The following GNB1L variants were observed in gnomAD, a reference collection of about 807,000 sequenced individuals.
The protein encoded by GNB1L is guanine nucleotide-binding protein subunit beta-like protein 1.
A neutral mutation model predicts 29.1 loss-of-function variants in GNB1L; 20 were observed. The observed-to-expected ratio is 0.69, with a 90% CI of 0.48 to 1.00. The LOEUF (loss-of-function observed/expected upper bound fraction) is 1.00, where lower values mean the gene tolerates loss of function less well. Ranked by LOEUF, GNB1L falls within the 50% of genes least tolerant of loss-of-function variation. The pLI, the probability that GNB1L is intolerant of heterozygous loss-of-function variation, is 0.00. For synonymous variants in GNB1L, 193 were observed against 206.5 expected (o/e 0.93, Z 0.56); for missense variants, 421 against 464.9 (o/e 0.91, Z 0.87).
chr22:19,797,067 C>A (rs879580289), intron 7 of GNB1L, among the ~76,000 whole-genome samples: 1 of 152,196 alleles, frequency 6.6e-6, no homozygotes, highest in East Asian at 1.9e-4. Context: ...ATCAGGAAAC[C>A]TAAATTAGTC....
chr22:19,852,018 G>C, intron 2 of GNB1L: 1 of 1,614,164 alleles, frequency 6.2e-7, no homozygotes, highest in African/African-American at 1.3e-5. Context: ...TGCCCAGCTA[G>C]GGGACCCCTT....
intron 2 of GNB1L, chr22:19,850,163 C>A: frequency 9.1e-6 from 9 of 985,634 alleles, no homozygotes; most frequent in Non-Finnish European, 1.1e-5. Flanking sequence ...CTGGAATGCT[C>A]ATGGCCAGGC....
intron 7 of GNB1L, among the ~76,000 whole-genome samples, chr22:19,800,687 C>T (rs1164649555): frequency 6.6e-6 from 1 of 152,202 alleles, no homozygotes; most frequent in East Asian, 1.9e-4. Flanking sequence ...GGCCTTGTGC[C>T]CCCATCCCCA....
At position 19,788,241 on chromosome 22, in the gene GNB1L, G is replaced by A. The variant is rs141381387; in HGVS notation, c.*468C>T. On this transcript the variant is annotated 3_prime_UTR_variant, in exon 8 of 8. Coordinates refer to ENST00000329517, the MANE Select transcript of GNB1L (RefSeq NM_053004.3). ...TCATGTGGACATCGACGCAGCTATG[G>A]TTGGGGCCTATCATCTCCTGAGGCC... The A allele has an allele frequency of 1.3e-5, 5 of 376,456 alleles. No individual in the cohort carries two copies. In the East Asian group the frequency reaches 2.4e-4, roughly 18 times the overall value. The allele number at this position is 376,456 out of a possible 1,614,324, so 23.3% of individuals were successfully genotyped here.
intron 6 of GNB1L, among the ~76,000 whole-genome samples, chr22:19,802,693 C>T (rs1192764867): frequency 6.6e-6 from 1 of 152,260 alleles, no homozygotes; most frequent in Non-Finnish European, 1.5e-5. Flanking sequence ...GGCTGGTCAC[C>T]TGTCTAGAGC....
intron 2 of GNB1L, chr22:19,846,724 G>A (rs1018884401): frequency 1.7e-5 from 6 of 357,552 alleles, no homozygotes; most frequent in Non-Finnish European, 2.3e-5. Flanking sequence ...GAGCTTATGA[G>A]AGATTAGGAC....
chr22:19,818,195 G>A (rs1328304763), intron 4 of GNB1L, among the ~76,000 whole-genome samples: 1 of 152,252 alleles, frequency 6.6e-6, no homozygotes, highest in Non-Finnish European at 1.5e-5. Flanking sequence ...AGGAAGGGGA[G>A]GTGCCCTCGA....
chr22:19,832,101 G>A (rs1195518717), intron 2 of GNB1L, among the ~76,000 whole-genome samples: 2 of 152,136 alleles, frequency 1.3e-5, no homozygotes, highest in Non-Finnish European at 1.5e-5. Context: ...AGGCTGAGGT[G>A]GGAGGATCAC....
chr22:19,810,978 C>G (rs941488334), intron 5 of GNB1L, among the ~76,000 whole-genome samples: 2 of 152,096 alleles, frequency 1.3e-5, no homozygotes, highest in African/African-American at 4.8e-5. Context: ...TGGGGGTGGC[C>G]GAGACCAGCG....
intron 7 of GNB1L, among the ~76,000 whole-genome samples, chr22:19,789,491 T>TG (rs901023715): frequency 4.0e-5 from 5 of 123,788 alleles, no homozygotes; most frequent in Admixed American, 3.9e-4. Flanking sequence ...CAAGACCCAG[T>TG]GGGGGGTTGG....
chr22:19,827,796 C>T (rs73379966), intron 2 of GNB1L, among the ~76,000 whole-genome samples: 2,380 of 152,230 alleles, frequency 0.016, 62 homozygotes, highest in African/African-American at 0.053. Flanking sequence ...TCTTGCACAC[C>T]GTATGACTCG....
At position 19,788,633 on chromosome 22, in the gene GNB1L, G is replaced by T. The variant is rs1569036038; in HGVS notation, c.*76C>A. ...TTGCTGGTCCTCAGAGGCCCTTGAGGTTTCAGGCCAAGGCTGGGGCCTGAT... is the reference window on the plus strand; with the variant it reads ...TTGCTGGTCCTCAGAGGCCCTTGAGTTTTCAGGCCAAGGCTGGGGCCTGAT... On this transcript the variant is annotated 3_prime_UTR_variant, in exon 8 of 8. Coordinates refer to ENST00000329517, the MANE Select transcript of GNB1L (RefSeq NM_053004.3). 7 of 1,579,092 alleles carry T rather than the reference G, an allele frequency of 4.4e-6. No homozygotes were observed. Among genetic ancestry groups the T allele is most frequent in the Middle Eastern group, 1.7e-4 (1 of 6,008 alleles).
intron 7 of GNB1L, among the ~76,000 whole-genome samples, chr22:19,791,397 GT>G (rs1937251810): frequency 1.3e-5 from 2 of 152,234 alleles, no homozygotes; most frequent in Admixed American, 1.3e-4. Flanking sequence ...CAAGGCAACT[GT>G]TTACAGGCAG....
At chr22:19,844,986 C>T (rs1937929890) in intron 2 of GNB1L, among the ~76,000 whole-genome samples, 1 of 152,190 alleles carries the variant, frequency 6.6e-6, no homozygotes, top group African/African-American at 2.4e-5. Context: ...GGGGCTGGTG[C>T]CCCTGGCCTC....
At chr22:19,803,461 C>T (rs1027291166) in intron 6 of GNB1L, among the ~76,000 whole-genome samples, 3 of 152,104 alleles carry the variant, frequency 2.0e-5, no homozygotes, top group Admixed American at 1.3e-4. Flanking sequence ...CCCAGGGCCC[C>T]GAGTGTACTC....
chr22:19,854,609 C>CG (rs1938192344), intron 1 of GNB1L, 70 bp from the exon 2 acceptor site: 1 of 152,760 alleles, frequency 6.5e-6, no homozygotes, highest in South Asian at 2.1e-4. Context: ...CCCGAGACTG[C>CG]GAGAACGGCC....
At position 19,820,597 on chromosome 22, in the gene GNB1L, C is replaced by T. The variant is rs202068306; in HGVS notation, c.254+1G>A. ...CTGGCTCCTGCACCTTGGAGACCCACCTGAGGAGCTGGCGCCCCTGGGGCA... is the reference window on the plus strand; with the variant it reads ...CTGGCTCCTGCACCTTGGAGACCCATCTGAGGAGCTGGCGCCCCTGGGGCA... On this transcript the variant is annotated splice_donor_variant, in intron 4 of 7. Transcript: ENST00000329517. LOFTEE classifies it high-confidence loss of function. 6.2e-7 allele frequency: 1 copy of T among 1,611,424 alleles called. No homozygotes were observed. The highest frequency in any genetic ancestry group is 2.2e-5 in the East Asian group (1 of 44,844).
intron 6 of GNB1L, among the ~76,000 whole-genome samples, chr22:19,806,433 T>C (rs1302509286): frequency 6.6e-6 from 1 of 152,234 alleles, no homozygotes; most frequent in Non-Finnish European, 1.5e-5. Context: ...CTGCTGCCAC[T>C]GCTGCTGGCT....
chr22:19,846,293 T>G, intron 2 of GNB1L: 2 of 433,334 alleles, frequency 4.6e-6, no homozygotes, highest in Non-Finnish European at 6.2e-6. Context: ...AGGTTGAATG[T>G]CAAAGGCAGA....
Sources: gnomAD v4.1 joint callset for allele counts (sites outside exome capture counted in the v4.1 genomes callset) on GRCh38, gnomAD v4.1.1 for gene constraint, MANE v1.5 for transcripts, NCBI Gene and HGNC (gene_info 2026-07-23, HGNC 2026-07-21) for gene names.